Variants in CPLANE1 observed in about 807,000 individuals in gnomAD.
The protein encoded by CPLANE1 is ciliogenesis and planar polarity effector complex subunit 1, also known as ciliogenesis and planar polarity effector 1.
CPLANE1 carries 263 observed loss-of-function variants against 362.5 expected under a neutral mutation model. That is an observed-to-expected ratio of 0.73 (90% confidence interval 0.66 to 0.80). The LOEUF (loss-of-function observed/expected upper bound fraction) is 0.80, where lower values mean the gene tolerates loss of function less well. Among genes scored for constraint, CPLANE1 ranks in the 30% least tolerant of loss-of-function variants. The pLI is 0.00. For synonymous variants in CPLANE1, 1,212 were observed against 1,302.6 expected, an observed-to-expected ratio of 0.93 and a Z score of 1.50; for missense variants, 3,461 against 3,793.4, an observed-to-expected ratio of 0.91 and a Z score of 2.30.
Position 37,167,687 on chromosome 5 carries a change from A to AG in CPLANE1, c.7234-475dup, listed in dbSNP as rs1778653615. On this transcript the variant is annotated intron_variant, in intron 34 of 52. Coordinates refer to ENST00000651892, the MANE Select transcript of CPLANE1 (RefSeq NM_001384732.1). ...CAGCTACTTGGGAGGCTGAGGCAGG[A>AG]GAATCACTTGAATCTGGGAGTTGGA... Among the ~76,000 whole-genome samples the AG allele has an allele frequency of 2.0e-5, 3 of 152,348 alleles. No homozygotes were observed. In the South Asian group the frequency reaches 6.2e-4, roughly 32 times the overall value.
chr5:37,195,585 C>T (rs1787139867), intron 21 of CPLANE1, among the ~76,000 whole-genome samples: 1 of 150,738 alleles, frequency 6.6e-6, no homozygotes, highest in Admixed American at 6.6e-5. Context: ...GGCAACAGAG[C>T]CAGACTCTGT....
intron 43 of CPLANE1, among the ~76,000 whole-genome samples, chr5:37,147,340 C>G (rs543081039): frequency 6.6e-6 from 1 of 152,072 alleles, no homozygotes. Context: ...TGGAAATCAA[C>G]CACAAAAACA....
chr5:37,147,136 C>T (rs1246706508), intron 43 of CPLANE1, among the ~76,000 whole-genome samples: 2 of 152,140 alleles, frequency 1.3e-5, no homozygotes, highest in Non-Finnish European at 2.9e-5. Flanking sequence ...ATCTGGACAA[C>T]ACAATTTAGA....
intron 25 of CPLANE1, among the ~76,000 whole-genome samples, chr5:37,184,214 T>C (rs1292193594): frequency 6.6e-6 from 1 of 152,210 alleles, no homozygotes; most frequent in South Asian, 2.1e-4. Context: ...TTAGCTGTTA[T>C]GAAACCTGTT....
In CPLANE1 at chr5:37,195,123, C is replaced by G. The variant is rs1786938019; in HGVS notation, c.3811+735G>C. Among the ~76,000 whole-genome samples the G allele has an allele frequency of 3.3e-5, 5 of 149,450 alleles. No homozygotes were observed. The South Asian group carries it at 1.1e-3, about 32-fold the overall frequency. On this transcript the variant is annotated intron_variant, in intron 21 of 52. Coordinates refer to ENST00000651892, the MANE Select transcript of CPLANE1 (RefSeq NM_001384732.1). Reference sequence around the variant, plus strand: ...TGAGCCGAGATCACGCCACTGCACTCCAGCCTGGGAGACAGAGCAAGACTC... The same window carrying G: ...TGAGCCGAGATCACGCCACTGCACTGCAGCCTGGGAGACAGAGCAAGACTC...
chr5:37,225,908 A>G (rs570123770), intron 12 of CPLANE1, among the ~76,000 whole-genome samples: 88 of 151,834 alleles, frequency 5.8e-4, no homozygotes, highest in South Asian at 5.4e-3. Flanking sequence ...TAACTAAACC[A>G]AAATCTTTCA....
intron 38 of CPLANE1, among the ~76,000 whole-genome samples, chr5:37,160,371 A>C (rs1184062543): frequency 6.6e-6 from 1 of 152,102 alleles, no homozygotes; most frequent in Non-Finnish European, 1.5e-5. Context: ...CCTGGCCAAC[A>C]TGGTGAAACC....
intron 25 of CPLANE1, among the ~76,000 whole-genome samples, chr5:37,184,534 C>T (rs556969392): frequency 1.6e-4 from 24 of 152,190 alleles, no homozygotes; most frequent in Admixed American, 3.9e-4. Context: ...AGAATTTCAT[C>T]TACTCCTTTG....
At chr5:37,197,543 T>C (rs1228194611) in intron 20 of CPLANE1, among the ~76,000 whole-genome samples, 2 of 152,138 alleles carry the variant, frequency 1.3e-5, no homozygotes, top group East Asian at 1.9e-4. Flanking sequence ...GCCACCTTGA[T>C]TGGCCTTGTG....
At chr5:37,220,658 T>TAC (rs1193581159) in intron 15 of CPLANE1, among the ~76,000 whole-genome samples, 2 of 152,096 alleles carry the variant, frequency 1.3e-5, no homozygotes, top group Non-Finnish European at 2.9e-5. Context: ...GAGCTGGGCC[T>TAC]ACAGGTGCCC....
intron 16 of CPLANE1, among the ~76,000 whole-genome samples, chr5:37,207,462 A>G (rs1420335762): frequency 6.6e-6 from 1 of 152,264 alleles, no homozygotes; most frequent in African/African-American, 2.4e-5. Flanking sequence ...CCATTAAAAT[A>G]ACTTGAATAA....
chr5:37,231,592 GTCAC>G (rs1449141363), intron 8 of CPLANE1, among the ~76,000 whole-genome samples: 1 of 151,970 alleles, frequency 6.6e-6, no homozygotes, highest in Non-Finnish European at 1.5e-5. Context: ...GAGTTTTTTA[GTCAC>G]TCACATATTA....
chr5:37,129,498 C>T (rs1765164690), intron 46 of CPLANE1, among the ~76,000 whole-genome samples: 1 of 152,062 alleles, frequency 6.6e-6, no homozygotes, highest in Admixed American at 6.6e-5. Context: ...ACAATCTATA[C>T]ATCCGACAAA....
chr5:37,140,951 CA>C, intron 44 of CPLANE1: 1 of 985,614 alleles, frequency 1.0e-6, no homozygotes, highest in Non-Finnish European at 1.2e-6. Context: ...TCAGGGAAGC[CA>C]AAAGACTGGA....
intron 41 of CPLANE1, among the ~76,000 whole-genome samples, chr5:37,155,717 T>G (rs533315309): frequency 1.3e-5 from 2 of 152,242 alleles, no homozygotes; most frequent in Non-Finnish European, 1.5e-5. Flanking sequence ...ATTAACTTAC[T>G]GCAAAATCTA....
the CPLANE1 span, among the ~76,000 whole-genome samples, chr5:37,101,050 C>T: frequency 2.6e-5 from 4 of 152,168 alleles, no homozygotes; most frequent in African/African-American, 4.8e-5. Flanking sequence ...ATCACACCAC[C>T]TGCAAACAAA....
chr5:37,120,097 G>A, intron 50 of CPLANE1, 119 bp downstream of exon 50: 1 of 1,033,324 alleles, frequency 9.7e-7, no homozygotes, highest in Non-Finnish European at 1.4e-6. Context: ...CTCGCCTTCT[G>A]TTCAAATCAG....
In CPLANE1 at chr5:37,142,343, A is replaced by G; in HGVS notation, c.8599T>C (p.Ser2867Pro). 2 of 1,605,230 alleles carry G rather than the reference A, an allele frequency of 1.2e-6. No homozygotes were observed. The highest frequency in any genetic ancestry group is 1.7e-6 in the Non-Finnish European group (2 of 1,177,146). Residue 2867 changes from serine to proline, a missense_variant, in exon 44 of 53, where the codon TCC (serine) becomes CCC (proline). Transcript: ENST00000651892. ...FPTADSAVSL[S>P]SSSDQNTTSP... ...GTAGTATTCTGATCACTGGAACTGG[A>G]AAGGCTGACAGCTGAATCGGCAGTA...
chr5:37,089,955 G>A, the CPLANE1 span, among the ~76,000 whole-genome samples: 4 of 152,052 alleles, frequency 2.6e-5, no homozygotes, highest in Non-Finnish European at 4.4e-5. Flanking sequence ...CAGCCCCAAC[G>A]GAGCCAATAC....
Sources: gnomAD v4.1 joint callset for allele counts (sites outside exome capture counted in the v4.1 genomes callset) on GRCh38, gnomAD v4.1.1 for gene constraint, MANE v1.5 for transcripts, NCBI Gene and HGNC (gene_info 2026-07-23, HGNC 2026-07-21) for gene names.